TJAP1: variants seen among roughly 807,000 people sequenced by gnomAD.
TJAP1 encodes tight junction associated protein 1.
Under a neutral mutation model 42.0 loss-of-function variants are expected in TJAP1, and 27 were observed. The observed-to-expected ratio is 0.64, with a 90% CI of 0.47 to 0.89. TJAP1 has a LOEUF of 0.89. TJAP1 is among the 40% of genes least tolerant of loss of function. TJAP1 has a pLI of 0.00. For missense variants in TJAP1, 712 were observed against 726.9 expected (o/e 0.98, Z 0.24); for synonymous variants, 257 against 288.4 (o/e 0.89, Z 1.10).
chr6:43,482,638 C>T (rs1490196438), intron 2 of TJAP1, among the ~76,000 whole-genome samples: 2 of 152,228 alleles, frequency 1.3e-5, no homozygotes, highest in Non-Finnish European at 2.9e-5. Flanking sequence ...GTCTGATTCT[C>T]ATAAGACTAA....
intron 8 of TJAP1, 52 bp from the exon 9 acceptor site, chr6:43,503,349 A>G: frequency 7.0e-7 from 1 of 1,434,116 alleles, no homozygotes. Flanking sequence ...GTGGAGGGAG[A>G]GGAAGGGCTG....
intron 4 of TJAP1, 68 bp from the exon 5 acceptor site, chr6:43,500,676 T>C (rs891737396): frequency 9.4e-6 from 15 of 1,591,926 alleles, no homozygotes; most frequent in Middle Eastern, 1.7e-4. Flanking sequence ...TTGTGGCTAT[T>C]TGGAGGGTGA....
At chr6:43,485,972 T>C (rs1467823711) in intron 2 of TJAP1, among the ~76,000 whole-genome samples, 1 of 152,074 alleles carries the variant, frequency 6.6e-6, no homozygotes, top group East Asian at 1.9e-4. Flanking sequence ...TTTATGTTTT[T>C]TTTTTTTTTC....
chr6:43,496,146 A>C (rs924049451), intron 2 of TJAP1, among the ~76,000 whole-genome samples: 2 of 151,556 alleles, frequency 1.3e-5, no homozygotes, highest in Non-Finnish European at 2.9e-5. Flanking sequence ...GCAGAGACCA[A>C]CTCTCTGAGC....
At chr6:43,503,265 G>A (rs1187926040) in intron 8 of TJAP1, 136 bp from the exon 9 acceptor site, 8 of 661,342 alleles carry the variant, frequency 1.2e-5, no homozygotes, top group South Asian at 1.8e-5. Flanking sequence ...CTGTCTGTCC[G>A]TCATTTGTCT....
chr6:43,496,453 T>A (rs1400201475), intron 2 of TJAP1, among the ~76,000 whole-genome samples: 1 of 151,884 alleles, frequency 6.6e-6, no homozygotes, highest in South Asian at 2.1e-4. Flanking sequence ...GTGCAGGGAG[T>A]CAGCCGACAC....
intron 2 of TJAP1, among the ~76,000 whole-genome samples, chr6:43,490,871 G>A (rs1000579960): frequency 1.3e-5 from 2 of 152,226 alleles, no homozygotes; most frequent in Non-Finnish European, 2.9e-5. Flanking sequence ...AGATGGGTGC[G>A]TGCAGCCTGG....
At chr6:43,503,324 C>G in intron 8 of TJAP1, 77 bp from the exon 9 acceptor site, 2 of 1,166,654 alleles carry the variant, frequency 1.7e-6, no homozygotes, top group South Asian at 2.6e-5. Context: ...TCTTGTGTCT[C>G]CAGGATGGGA....
intron 8 of TJAP1, 49 bp from the exon 9 acceptor site, chr6:43,503,352 A>C (rs372609402): frequency 1.4e-6 from 2 of 1,464,900 alleles, no homozygotes; most frequent in African/African-American, 2.8e-5. Flanking sequence ...GAGGGAGAGG[A>C]AGGGCTGGCT....
intron 5 of TJAP1, chr6:43,501,251 A>C: frequency 2.2e-6 from 1 of 444,812 alleles, no homozygotes; most frequent in Middle Eastern, 5.7e-4. Context: ...CCTACCCCCA[A>C]TTCTTTATTT....
intron 4 of TJAP1, among the ~76,000 whole-genome samples, chr6:43,500,243 G>T (rs531188303): frequency 2.0e-5 from 3 of 152,346 alleles, no homozygotes; most frequent in African/African-American, 7.2e-5. Flanking sequence ...CCTTAGTCAG[G>T]ATTAGTCCTC....
rs1182496670 is a variant in TJAP1 at position 43,487,395 on chromosome 6, T to C, written c.-122+9163T>C. Among the ~76,000 whole-genome samples the C allele has an allele frequency of 2.0e-5, 3 of 152,218 alleles. No homozygotes were observed. The East Asian group carries it at 5.8e-4, about 29-fold the overall frequency. The stretch of plus-strand genomic sequence containing the variant: ...GGTAGCCCAAGTAGGGAACTGAATC[T>C]CAGAAGTCTTTGAGGGTCTTGATAT... On this transcript the variant is annotated intron_variant, in intron 2 of 10. Transcript: ENST00000372449.
At chr6:43,496,741 AC>A (rs1046392009) in intron 2 of TJAP1, among the ~76,000 whole-genome samples, 9 of 152,108 alleles carry the variant, frequency 5.9e-5, no homozygotes, top group Non-Finnish European at 1.3e-4. Context: ...GCTTCCCTCA[AC>A]CTCCAGCTCT....
chr6:43,480,925 T>C (rs1785172564), intron 2 of TJAP1, among the ~76,000 whole-genome samples: 1 of 152,202 alleles, frequency 6.6e-6, no homozygotes, highest in Non-Finnish European at 1.5e-5. Flanking sequence ...ATCACCCAGC[T>C]AGTAAGTGAC....
At chr6:43,489,514 A>G (rs1279104261) in intron 2 of TJAP1, 1 of 152,510 alleles carries the variant, frequency 6.6e-6, no homozygotes, top group Non-Finnish European at 1.5e-5. Context: ...AGGTGGTGGG[A>G]TGGACTCTGC....
Position 43,505,059 on chromosome 6 carries a change from C to G in TJAP1, c.878C>G (p.Ser293Cys). 6.2e-7 allele frequency: 1 copy of G among 1,614,128 alleles called. No homozygotes were observed. Among genetic ancestry groups the G allele is most frequent in the South Asian group, 1.1e-5 (1 of 91,088 alleles). ...CCACAACCCAATGGGGAGTGCCACTCTCTGGGTACTGCCAGGGGCTCCCCG... is the reference window on the plus strand; with the variant it reads ...CCACAACCCAATGGGGAGTGCCACTGTCTGGGTACTGCCAGGGGCTCCCCG... Residue 293 changes from serine (S) to cysteine (C), a missense_variant, in exon 11 of 11, where the codon TCT becomes TGT. Coordinates refer to ENST00000372449, the Ensembl canonical transcript of TJAP1. The surrounding 1 kb of genome is among the most constrained non-coding windows in gnomAD (Gnocchi z 5.5).
chr6:43,479,230 T>G (rs551523148), intron 2 of TJAP1, among the ~76,000 whole-genome samples: 2 of 152,322 alleles, frequency 1.3e-5, no homozygotes, highest in African/African-American at 4.8e-5. Context: ...CATGGTGGAC[T>G]AGGATGGTTT....
At chr6:43,494,352 G>A (rs1347253251) in intron 2 of TJAP1, among the ~76,000 whole-genome samples, 1 of 152,180 alleles carries the variant, frequency 6.6e-6, no homozygotes, top group Non-Finnish European at 1.5e-5. Context: ...GAGGGTTGAG[G>A]AGAGTCCCTT....
intron 8 of TJAP1, 103 bp downstream of exon 8, chr6:43,502,720 C>T (rs1791234672): frequency 7.8e-7 from 1 of 1,280,570 alleles, no homozygotes; most frequent in African/African-American, 1.5e-5. Context: ...CTTGAGTACA[C>T]CCGCTCCTTT....
Sources: gnomAD v4.1 joint callset for allele counts (sites outside exome capture counted in the v4.1 genomes callset) on GRCh38, gnomAD v4.1.1 for gene constraint, Gnocchi (gnomAD v3.1) non-coding constraint, MANE v1.5 for transcripts, NCBI Gene and HGNC (gene_info 2026-07-23, HGNC 2026-07-21) for gene names.